BMERB1: variants seen among roughly 807,000 people sequenced by gnomAD.
BMERB1 encodes the protein bMERB domain-containing protein 1.
A neutral mutation model predicts 23.6 loss-of-function variants in BMERB1; 12 were observed. The observed-to-expected ratio is 0.51, with a 90% confidence interval of 0.33 to 0.82. The LOEUF (loss-of-function observed/expected upper bound fraction) is 0.82, where lower values mean the gene tolerates loss of function less well. Among genes scored for constraint, BMERB1 ranks in the 40% least tolerant of loss-of-function variants. BMERB1 has a pLI of 0.03. For missense variants in BMERB1, 247 were observed against 255.4 expected (o/e 0.97, Z 0.22); for synonymous variants, 122 against 96.6 (o/e 1.26, Z -1.54).
intron 2 of BMERB1, among the ~76,000 whole-genome samples, chr16:15,559,686 A>C (rs1319034626): frequency 1.3e-5 from 2 of 152,196 alleles, no homozygotes; most frequent in African/African-American, 4.8e-5. Context: ...CTTGATTTTT[A>C]GTTACGTGAA....
At chr16:15,546,489 C>T (rs1468404655) in intron 2 of BMERB1, among the ~76,000 whole-genome samples, 3 of 152,010 alleles carry the variant, frequency 2.0e-5, no homozygotes, top group Non-Finnish European at 4.4e-5. Flanking sequence ...GACCCAATAA[C>T]GAGATGCAAA....
intron 2 of BMERB1, among the ~76,000 whole-genome samples, chr16:15,526,808 C>T (rs1598496369): frequency 1.3e-5 from 2 of 150,556 alleles, no homozygotes; most frequent in East Asian, 3.9e-4. Flanking sequence ...GGGAATGGGG[C>T]ACACGGGGCC....
At chr16:15,552,906 G>A (rs2030136173) in intron 2 of BMERB1, among the ~76,000 whole-genome samples, 1 of 152,160 alleles carries the variant, frequency 6.6e-6, no homozygotes, top group African/African-American at 2.4e-5. Flanking sequence ...AGGCACAGTG[G>A]CTCACCCCTG....
At position 15,473,981 on chromosome 16, in the gene BMERB1, G is replaced by T. The variant is rs148027931; in HGVS notation, c.106+39222G>T. 8.0e-3 allele frequency among the ~76,000 whole-genome samples: 1,214 copies of T among 152,084 alleles called. 18 individuals carry two copies. The highest frequency in any genetic ancestry group is 0.028 in the African/African-American group (1,158 of 41,502). On this transcript the variant is annotated intron_variant, in intron 1 of 5. Coordinates refer to ENST00000300006, the MANE Select transcript of BMERB1 (RefSeq NM_033201.3). The stretch of plus-strand genomic sequence containing the variant: ...GAAAATACAAAAAAATTAGCCGGGC[G>T]TGGTGGCAGGTGCCTATAGTCCCAG...
chr16:15,564,192 A>G (rs1427047039), intron 2 of BMERB1, among the ~76,000 whole-genome samples: 6 of 152,228 alleles, frequency 3.9e-5, no homozygotes, highest in East Asian at 1.9e-4. Context: ...TTTCCTCTTC[A>G]TTAAAGAACA....
intron 1 of BMERB1, among the ~76,000 whole-genome samples, chr16:15,467,745 G>C (rs959306666): frequency 1.3e-5 from 2 of 152,132 alleles, no homozygotes; most frequent in African/African-American, 2.4e-5. Context: ...CTGTGACACA[G>C]CCCTCAGGAG....
intron 1 of BMERB1, among the ~76,000 whole-genome samples, chr16:15,502,656 A>T (rs991858318): frequency 6.6e-6 from 1 of 152,146 alleles, no homozygotes; most frequent in Admixed American, 6.5e-5. Context: ...GGAGCCTTTG[A>T]AATGCATTCA....
intron 2 of BMERB1, among the ~76,000 whole-genome samples, chr16:15,550,623 C>G (rs563726808): frequency 6.6e-6 from 1 of 152,178 alleles, no homozygotes; most frequent in African/African-American, 2.4e-5. Context: ...CAGGCATGAG[C>G]CACCGCGCCC....
intron 2 of BMERB1, among the ~76,000 whole-genome samples, chr16:15,567,331 G>A (rs550590549): frequency 6.6e-6 from 1 of 152,324 alleles, no homozygotes; most frequent in African/African-American, 2.4e-5. Context: ...AATTTCTGCA[G>A]TGTTTAAAAA....
chr16:15,503,342 C>T (rs1370695895), intron 1 of BMERB1, among the ~76,000 whole-genome samples: 2 of 151,426 alleles, frequency 1.3e-5, no homozygotes, highest in African/African-American at 2.4e-5. Context: ...AGTGCAGTGG[C>T]GCGATCTCGG....
rs1225982061 is a variant in BMERB1, at chr16:15,444,119, C to CTTTTTTTTTTTT, written c.106+9363_106+9364insTTTTTTTTTTTT. Among the ~76,000 whole-genome samples, 16 of 24,444 alleles carry CTTTTTTTTTTTT rather than the reference C, an allele frequency of 6.5e-4. 1 individual carries two copies. The highest frequency in any genetic ancestry group is 1.3e-3 in the African/African-American group (7 of 5,288). 16.0% of individuals were successfully genotyped at this position (24,444 alleles called of 152,430 possible). A position where few individuals can be genotyped will look rare whatever the true frequency, so the allele number is the denominator to read the frequency against. ...CCAAAGGCCAGGGTCCAGGCACCAG[C>CTTTTTTTTTTTT]TTTGTTTTTTTTTTTTTTTTTTTTT... On this transcript the variant is annotated intron_variant, in intron 1 of 5. Transcript: ENST00000300006.
intron 3 of BMERB1, among the ~76,000 whole-genome samples, chr16:15,580,851 A>G (rs760261001): frequency 6.6e-6 from 1 of 151,410 alleles, no homozygotes; most frequent in Non-Finnish European, 1.5e-5. Flanking sequence ...GGCCAGCTCA[A>G]GTGCTTTTAG....
chr16:15,568,010 C>T lies in BMERB1; in HGVS notation c.258C>T (p.Asp86=). ...FMMDDIQLCK[D]IMDLKQELQN... is the part of the protein sequence containing the mutation. The stretch of plus-strand genomic sequence containing the variant: ...TGGATGACATCCAGCTCTGCAAGGA[C>T]ATCATGGACTTGAAGCAGGAGCTGC... The change falls in exon 3 of 6, where the codon GAC becomes GAT. Residue 86 remains aspartate, a synonymous_variant. Coordinates refer to ENST00000300006, the MANE Select transcript of BMERB1 (RefSeq NM_033201.3). 6.2e-7 allele frequency: 1 copy of T among 1,614,060 alleles called. No homozygotes were observed. The highest frequency in any genetic ancestry group is 8.5e-7 in the Non-Finnish European group (1 of 1,179,916).
At chr16:15,457,157 C>T (rs2051093775) in intron 1 of BMERB1, among the ~76,000 whole-genome samples, 1 of 152,060 alleles carries the variant, frequency 6.6e-6, no homozygotes, top group South Asian at 2.1e-4. Flanking sequence ...AGTAGAATTG[C>T]TGAGTTAAAA....
chr16:15,435,131 C>T (rs1387319931), intron 1 of BMERB1, among the ~76,000 whole-genome samples: 1 of 152,236 alleles, frequency 6.6e-6, no homozygotes, highest in East Asian at 1.9e-4. Context: ...GCGCTGGAGA[C>T]GCGGGACCGT....
At chr16:15,512,831 A>T (rs967628356) in intron 1 of BMERB1, among the ~76,000 whole-genome samples, 4 of 151,774 alleles carry the variant, frequency 2.6e-5, no homozygotes, top group Admixed American at 1.3e-4. Flanking sequence ...GTGAGCCGAT[A>T]TTGTGCCACT....
chr16:15,544,996 G>A (rs1457149773), intron 2 of BMERB1, among the ~76,000 whole-genome samples: 3 of 150,682 alleles, frequency 2.0e-5, no homozygotes, highest in Non-Finnish European at 3.0e-5. Context: ...TTTTTGAGAC[G>A]GAGTCTCGCT....
intron 1 of BMERB1, among the ~76,000 whole-genome samples, chr16:15,489,170 G>A (rs562118923): frequency 6.6e-6 from 1 of 152,278 alleles, no homozygotes; most frequent in East Asian, 1.9e-4. Flanking sequence ...CCACACCTGG[G>A]TAGGGTAAGC....
At chr16:15,456,918 T>A (rs1477212060) in intron 1 of BMERB1, among the ~76,000 whole-genome samples, 2 of 152,062 alleles carry the variant, frequency 1.3e-5, no homozygotes, top group East Asian at 3.9e-4. Context: ...CTCCACCTCC[T>A]GGGTTCAAGC....
Sources: allele counts gnomAD v4.1 joint callset (sites outside exome capture counted in the v4.1 genomes callset), GRCh38; gene constraint gnomAD v4.1.1; transcripts MANE v1.5; gene names NCBI Gene and HGNC (gene_info 2026-07-23, HGNC 2026-07-21).